GRID2: variants seen among roughly 807,000 people sequenced by gnomAD.
GRID2 encodes the protein glutamate receptor ionotropic, delta-2.
A neutral mutation model predicts 114.8 loss-of-function variants in GRID2; 33 were observed. That is an observed-to-expected ratio of 0.29 (90% CI 0.22 to 0.38). The LOEUF (loss-of-function observed/expected upper bound fraction) is 0.38. Ranked by LOEUF, GRID2 falls within the 10% of genes least tolerant of loss-of-function variation. GRID2 has a pLI of 1.00. For synonymous variants in GRID2, 505 were observed against 449.9 expected (o/e 1.12, Z -1.55); for missense variants, 1,184 against 1,257.7 (o/e 0.94, Z 0.89).
intron 2 of GRID2, among the ~76,000 whole-genome samples, chr4:92,957,664 G>A (rs570701271): frequency 6.6e-4 from 100 of 151,504 alleles, no homozygotes; most frequent in Middle Eastern, 3.4e-3. Context: ...AAAAACTTCC[G>A]AATCATTTAG....
At chr4:93,523,875 G>A (rs1281460155) in intron 13 of GRID2, among the ~76,000 whole-genome samples, 11 of 152,148 alleles carry the variant, frequency 7.2e-5, no homozygotes, top group African/African-American at 2.4e-4. Flanking sequence ...AAAAGGCTGT[G>A]AGTAGAAAAC....
intron 4 of GRID2, among the ~76,000 whole-genome samples, chr4:93,117,953 C>T (rs1733433771): frequency 6.6e-6 from 1 of 152,194 alleles, no homozygotes; most frequent in Admixed American, 6.5e-5. Flanking sequence ...TTCATAAACA[C>T]AGCATTCATA....
intron 8 of GRID2, among the ~76,000 whole-genome samples, chr4:93,320,431 G>T (rs1757093023): frequency 6.6e-6 from 1 of 152,056 alleles, no homozygotes; most frequent in Non-Finnish European, 1.5e-5. Context: ...TTTAGAAAAT[G>T]AACACCAGAA....
chr4:92,797,311 C>T (rs1310129134), intron 2 of GRID2, among the ~76,000 whole-genome samples: 3 of 151,924 alleles, frequency 2.0e-5, no homozygotes, highest in African/African-American at 7.2e-5. Flanking sequence ...CATGTAGAAA[C>T]AATGATCATC....
rs562350679 is a variant in GRID2, at chr4:92,632,300, T to C, written c.244+42014T>C. On this transcript the variant is annotated intron_variant, in intron 2 of 15. Transcript: ENST00000282020. ...TTTTCCACTGAAATAGTTTTTAATT[T>C]TGTATTTTCATTCCTTTATATGGTT... 2.0e-5 allele frequency among the ~76,000 whole-genome samples: 3 copies of C among 152,294 alleles called. No individual in the cohort carries two copies. The South Asian group carries it at 6.2e-4, about 32-fold the overall frequency.
chr4:93,108,754 C>T (rs1732491527), intron 3 of GRID2, among the ~76,000 whole-genome samples: 1 of 151,944 alleles, frequency 6.6e-6, no homozygotes, highest in African/African-American at 2.4e-5. Flanking sequence ...CCTCAGCCTC[C>T]CAAGTGGCTG....
At chr4:93,615,366 A>G (rs926839097) in intron 13 of GRID2, among the ~76,000 whole-genome samples, 6 of 152,210 alleles carry the variant, frequency 3.9e-5, no homozygotes, top group African/African-American at 1.4e-4. Flanking sequence ...TCTTAGGAAA[A>G]TGATTTTAAA....
chr4:92,845,561 A>G (rs1322287801), intron 2 of GRID2, among the ~76,000 whole-genome samples: 5 of 152,056 alleles, frequency 3.3e-5, no homozygotes, highest in African/African-American at 4.8e-5. Flanking sequence ...AACATAGTAA[A>G]TATACCATCC....
Position 93,712,413 on chromosome 4 carries a change from T to C in GRID2, c.2361-56797T>C, listed in dbSNP as rs1474412489. 5.9e-5 allele frequency among the ~76,000 whole-genome samples: 9 copies of C among 152,308 alleles called. No individual in the cohort carries two copies. The East Asian group carries it at 1.7e-3, about 29-fold the overall frequency. ...TACAGATTGTATCTCTGCTTAAATG[T>C]AATTTGCAGAAAGAATGTCTTAACC... is the stretch of plus-strand genomic sequence containing the variant. On this transcript the variant is annotated intron_variant, in intron 14 of 15. Transcript: ENST00000282020.
At chr4:93,666,699 T>A (rs910413016) in intron 14 of GRID2, among the ~76,000 whole-genome samples, 1 of 152,076 alleles carries the variant, frequency 6.6e-6, no homozygotes, top group Non-Finnish European at 1.5e-5. Context: ...TTCAGTCACT[T>A]ATATCCTCAT....
chr4:92,999,226 G>T (rs1578714215), intron 2 of GRID2, among the ~76,000 whole-genome samples: 1 of 151,836 alleles, frequency 6.6e-6, no homozygotes, highest in South Asian at 2.1e-4. Context: ...ACTTTTCTAT[G>T]CAGTGCAAAC....
At chr4:93,532,907 A>C (rs1731596923) in intron 13 of GRID2, among the ~76,000 whole-genome samples, 1 of 152,154 alleles carries the variant, frequency 6.6e-6, no homozygotes, top group Non-Finnish European at 1.5e-5. Flanking sequence ...ATATTATTTG[A>C]TAATATACTG....
At chr4:93,075,914 TTTTTTTTG>T in intron 2 of GRID2, among the ~76,000 whole-genome samples, 1 of 87,912 alleles carries the variant, frequency 1.1e-5, no homozygotes, top group African/African-American at 4.5e-5. Flanking sequence ...TTTTTTTTTT[TTTTTTTTG>T]AGATGGAGTC....
intron 2 of GRID2, among the ~76,000 whole-genome samples, chr4:92,977,211 G>A (rs1433044685): frequency 1.3e-5 from 2 of 152,118 alleles, no homozygotes; most frequent in Admixed American, 6.5e-5. Flanking sequence ...TAAAAAGTGC[G>A]ATTAACAGGA....
intron 12 of GRID2, among the ~76,000 whole-genome samples, chr4:93,502,219 A>T (rs1205976783): frequency 6.6e-6 from 1 of 152,106 alleles, no homozygotes; most frequent in African/African-American, 2.4e-5. Context: ...CTTTTCTCCT[A>T]CTAAAGAATA....
chr4:92,769,241 T>C (rs969768942), intron 2 of GRID2, among the ~76,000 whole-genome samples: 1 of 152,208 alleles, frequency 6.6e-6, no homozygotes, highest in African/African-American at 2.4e-5. Flanking sequence ...ATTATCTCTT[T>C]TGACTCCATG....
rs190744882 is a variant in GRID2 at position 92,989,399 on chromosome 4, C to T, written c.245-95596C>T. On this transcript the variant is annotated intron_variant, in intron 2 of 15. Coordinates refer to ENST00000282020, the MANE Select transcript of GRID2 (RefSeq NM_001510.4). ...ACATATGTATGTATATGTAAACATGCAAAATATTCCACAAAATAGAATGAG... is the reference window on the plus strand; with the variant it reads ...ACATATGTATGTATATGTAAACATGTAAAATATTCCACAAAATAGAATGAG... 6.6e-4 allele frequency among the ~76,000 whole-genome samples: 98 copies of T among 147,864 alleles called. 1 individual carries two copies. Among genetic ancestry groups the T allele is most frequent in the African/African-American group, 2.4e-3 (95 of 39,926 alleles).
chr4:93,536,897 G>C (rs1373956410), intron 13 of GRID2, among the ~76,000 whole-genome samples: 1 of 151,584 alleles, frequency 6.6e-6, no homozygotes, highest in Non-Finnish European at 1.5e-5. Flanking sequence ...AAGGATAGAA[G>C]TTTTAAATTT....
intron 1 of GRID2, among the ~76,000 whole-genome samples, chr4:92,469,935 A>T (rs4298107): frequency 0.96 from 146,297 of 152,000 alleles, 70,451 homozygotes; most frequent in East Asian, 1. Flanking sequence ...AGGATACAAA[A>T]TTTTAAATGT....
Sources: gnomAD v4.1 joint callset for allele counts (sites outside exome capture counted in the v4.1 genomes callset) on GRCh38, gnomAD v4.1.1 for gene constraint, MANE v1.5 for transcripts, NCBI Gene and HGNC (gene_info 2026-07-23, HGNC 2026-07-21) for gene names.